The following CACNG8 variants were observed in gnomAD, a reference collection of about 807,000 sequenced individuals.
The protein encoded by CACNG8 is calcium voltage-gated channel auxiliary subunit gamma 8, also known as voltage-dependent calcium channel gamma-8 subunit.
In CACNG8, 5 loss-of-function variants were observed where a neutral mutation model predicts 26.9. The ratio of observed to expected loss-of-function variants is 0.19; its 90% confidence interval spans 0.10 to 0.39. CACNG8 has a LOEUF of 0.39. CACNG8 is among the 10% of genes least tolerant of loss of function. The probability of loss-of-function intolerance (pLI) is 1.00; values close to 1 mark genes in which losing one functional copy is unlikely to be tolerated. For synonymous variants in CACNG8, 321 were observed against 296.7 expected, an observed-to-expected ratio of 1.08 and a Z score of -0.84; for missense variants, 473 against 609.4, an observed-to-expected ratio of 0.78 and a Z score of 2.36.
chr19:53,969,669 CT>C (rs988390138), intron 1 of CACNG8, among the ~76,000 whole-genome samples: 11 of 151,822 alleles, frequency 7.2e-5, no homozygotes, highest in African/African-American at 2.7e-4. Flanking sequence ...CGGGGTCCCC[CT>C]GAGTCATTGC....
At chr19:53,978,298 G>C (rs1276443780) in intron 2 of CACNG8, 69 bp downstream of exon 2, 2 of 1,323,306 alleles carry the variant, frequency 1.5e-6, no homozygotes, top group Admixed American at 1.9e-5. Context: ...GTCGGGGTGG[G>C]TGCCGGGAAA....
chr19:53,972,733 T>A (rs1451740134), intron 1 of CACNG8, among the ~76,000 whole-genome samples: 1 of 152,070 alleles, frequency 6.6e-6, no homozygotes, highest in African/African-American at 2.4e-5. Flanking sequence ...AATTTCCCAA[T>A]GAGAGAGCAG....
chr19:53,973,341 G>A (rs1260674275), intron 1 of CACNG8, among the ~76,000 whole-genome samples: 2 of 152,064 alleles, frequency 1.3e-5, no homozygotes, highest in East Asian at 1.9e-4. Context: ...GGCTAACATG[G>A]TGAAACCCCA....
rs1425497679 is a variant in CACNG8 at position 53,982,822 on chromosome 19, G to T, written c.1251G>T (p.Thr417=). ...AGGCCGCCGCCTCCAACACCAACACGCTCAACAGGAAAACCACGCCTGTGT... is the reference window on the plus strand; with the variant it reads ...AGGCCGCCGCCTCCAACACCAACACTCTCAACAGGAAAACCACGCCTGTGT... The change falls in exon 4 of 4, where the codon ACG becomes ACT. Residue 417 remains threonine, a synonymous_variant. Transcript: ENST00000270458. This position sits in a 1 kb window ranked among gnomAD's most constrained non-coding sequence, Gnocchi z 8.4. The T allele has an allele frequency of 1.5e-6, 2 of 1,374,502 alleles. No homozygotes were observed. The highest frequency in any genetic ancestry group is 1.9e-6 in the Non-Finnish European group (2 of 1,057,634). The allele number at this position is 1,374,502 out of a possible 1,614,324, so 85.1% of individuals were successfully genotyped here.
chr19:53,980,025 G>C lies in CACNG8; in HGVS notation c.508+18G>C. 1 of 1,588,450 alleles carries C rather than the reference G, an allele frequency of 6.3e-7. No homozygotes were observed. The highest frequency in any genetic ancestry group is 8.6e-7 in the Non-Finnish European group (1 of 1,167,444). On this transcript the variant is annotated intron_variant, in intron 3 of 3. Transcript: ENST00000270458. ...GGCAGCAGGTGAGAGGCAGAGGGAG[G>C]GGGCGACCGGGGCGGCCCACCTGGG... is the stretch of plus-strand genomic sequence containing the variant.
rs533585238 is a variant in CACNG8, at chr19:53,987,377, T to C, written c.*4528T>C. On this transcript the variant is annotated 3_prime_UTR_variant, in exon 4 of 4. Transcript: ENST00000270458. ...GAGCCACTGCGCCCGGCCTCATATTTTTATTTAAACAAGAACAGCAGAATT... is the reference window on the plus strand; with the variant it reads ...GAGCCACTGCGCCCGGCCTCATATTCTTATTTAAACAAGAACAGCAGAATT... 5.2e-5 allele frequency: 8 copies of C among 152,472 alleles called. No individual in the cohort carries two copies. Among genetic ancestry groups the C allele is most frequent in the African/African-American group, 1.9e-4 (8 of 41,574 alleles). The allele number at this position is 152,472 out of a possible 1,614,324, so 9.4% of individuals were successfully genotyped here. A position where few individuals can be genotyped will look rare whatever the true frequency, so the allele number is the denominator to read the frequency against.
At position 53,982,317 on chromosome 19, in the gene CACNG8, C is replaced by A; in HGVS notation, c.746C>A (p.Ala249Glu). The A allele has an allele frequency of 6.3e-7, 1 of 1,593,226 alleles. No individual in the cohort carries two copies. Among genetic ancestry groups the A allele is most frequent in the African/African-American group, 1.4e-5 (1 of 73,854 alleles). The change falls in exon 4 of 4, where the codon GCG becomes GAG. Residue 249 changes from alanine (A) to glutamate (E), a missense_variant. Coordinates refer to ENST00000270458, the MANE Select transcript of CACNG8 (RefSeq NM_031895.6). This position sits in a 1 kb window ranked among gnomAD's most constrained non-coding sequence, Gnocchi z 8.4. ...GACCTGCTCAAGGCCGGCGGGGGCG[C>A]GGGCGGCAGTGGCGGGAGCGGCCCC...
At chr19:53,975,530 C>T (rs1050834864) in intron 1 of CACNG8, among the ~76,000 whole-genome samples, 2 of 152,098 alleles carry the variant, frequency 1.3e-5, no homozygotes, top group Non-Finnish European at 2.9e-5. Context: ...CAAGCGTATG[C>T]CCCCACACCC....
In CACNG8 at chr19:53,983,238, C is replaced by T. The variant is rs1222356344; in HGVS notation, c.*389C>T. On this transcript the variant is annotated 3_prime_UTR_variant, in exon 4 of 4. Transcript: ENST00000270458. ...AACTCCTGGAGAGGGGCCCATAATA[C>T]ACGAATACATAGTTACACCCACAAA... 1 of 153,670 alleles carries T rather than the reference C, an allele frequency of 6.5e-6. No homozygotes were observed. Among genetic ancestry groups the T allele is most frequent in the Non-Finnish European group, 1.4e-5 (1 of 69,072 alleles). The allele number at this position is 153,670 out of a possible 1,614,324, so 9.5% of individuals were successfully genotyped here.
At position 53,982,756 on chromosome 19, in the gene CACNG8, A is replaced by C. The variant is rs1381548989; in HGVS notation, c.1185A>C (p.Pro395=). ...CGCCCGCCCCGCCCGCGCCCGCGCC[A>C]CCCGCGCCCTCTGCGCCCGCCCCCG... The change falls in exon 4 of 4, where the codon CCA becomes CCC. Residue 395 remains proline (P), a synonymous_variant. Coordinates refer to ENST00000270458, the MANE Select transcript of CACNG8 (RefSeq NM_031895.6). This position sits in a 1 kb window ranked among gnomAD's most constrained non-coding sequence, Gnocchi z 8.4. 4 of 1,206,186 alleles carry C rather than the reference A, an allele frequency of 3.3e-6. No homozygotes were observed. Among genetic ancestry groups the C allele is most frequent in the East Asian group, 7.4e-5 (2 of 27,084 alleles). The allele number at this position is 1,206,186 out of a possible 1,614,324, so 74.7% of individuals were successfully genotyped here.
chr19:53,978,071 T>G lies in CACNG8; in HGVS notation c.284-75T>G, dbSNP rs933483323. The G allele has an allele frequency of 5.1e-6, 5 of 983,496 alleles. No homozygotes were observed. The African/African-American group carries it at 8.0e-5, about 16-fold the overall frequency. The allele number at this position is 983,496 out of a possible 1,614,324, so 60.9% of individuals were successfully genotyped here. ...AGAAGGGGTTTGGGGAAGGGAAGGG[T>G]CGGTTGTCAGTGGGGTTGCCCCGCC... On this transcript the variant is annotated intron_variant, in intron 1 of 3. Transcript: ENST00000270458.
At chr19:53,963,511 T>G (rs912799229) in intron 1 of CACNG8, 86 bp downstream of exon 1, 2 of 1,340,672 alleles carry the variant, frequency 1.5e-6, no homozygotes, top group Non-Finnish European at 1.9e-6. Flanking sequence ...TCCCTGATCC[T>G]GGGGCCCCCT....
At chr19:53,978,743 A>C (rs2069345386) in intron 2 of CACNG8, among the ~76,000 whole-genome samples, 1 of 124,906 alleles carries the variant, frequency 8.0e-6, no homozygotes, top group Non-Finnish European at 1.6e-5. Flanking sequence ...GGTGGAAAGG[A>C]AGGACTGCAG....
At chr19:53,978,256 G>T in intron 2 of CACNG8, 27 bp downstream of exon 2, 1 of 1,589,066 alleles carries the variant, frequency 6.3e-7, no homozygotes, top group Non-Finnish European at 8.6e-7. Flanking sequence ...GACAGACGTG[G>T]GGAGTGGGTC....
At chr19:53,977,093 C>T (rs773762895) in intron 1 of CACNG8, among the ~76,000 whole-genome samples, 26 of 152,304 alleles carry the variant, frequency 1.7e-4, no homozygotes, top group Admixed American at 1.2e-3. Flanking sequence ...TTACCGAGGA[C>T]GAAGAAGATC....
chr19:53,975,106 G>T (rs949676158), intron 1 of CACNG8, among the ~76,000 whole-genome samples: 1 of 150,792 alleles, frequency 6.6e-6, no homozygotes, highest in Middle Eastern at 3.5e-3. Flanking sequence ...ACACCACCAT[G>T]CCCAGCTAAT....
At chr19:53,980,082 G>GTT in intron 3 of CACNG8, 75 bp downstream of exon 3, 1 of 1,358,390 alleles carries the variant, frequency 7.4e-7, no homozygotes, top group Non-Finnish European at 9.7e-7. Flanking sequence ...GTGTGTGTGT[G>GTT]TGTGCGCGCG....
chr19:53,978,847 C>G (rs34012356), intron 2 of CACNG8, among the ~76,000 whole-genome samples: 1 of 124,106 alleles, frequency 8.1e-6, no homozygotes. Flanking sequence ...GAGAGATAGA[C>G]GAAGTCAGGC....
At position 53,965,475 on chromosome 19, in the gene CACNG8, A is replaced by T. The variant is rs189260712; in HGVS notation, c.283+2050A>T. On this transcript the variant is annotated intron_variant, in intron 1 of 3. Coordinates refer to ENST00000270458, the MANE Select transcript of CACNG8 (RefSeq NM_031895.6). ...GAGTTCATGTCCATTCACTGGTCTG[A>T]CCAAGTACCAGGCATAGAGCCAAGT... Among the ~76,000 whole-genome samples the T allele has an allele frequency of 2.6e-5, 4 of 151,092 alleles. No individual in the cohort carries two copies. In the East Asian group the frequency reaches 7.8e-4, roughly 30 times the overall value.
Sources: gnomAD v4.1 joint callset for allele counts (sites outside exome capture counted in the v4.1 genomes callset) on GRCh38, gnomAD v4.1.1 for gene constraint, Gnocchi (gnomAD v3.1) non-coding constraint, MANE v1.5 for transcripts, NCBI Gene and HGNC (gene_info 2026-07-23, HGNC 2026-07-21) for gene names.